SHLD1: variants seen among roughly 807,000 people sequenced by gnomAD.
SHLD1 encodes the protein shieldin complex subunit 1, also known as RINN1-REV7-interacting novel NHEJ regulator 3.
In SHLD1, 3 loss-of-function variants were observed where a neutral mutation model predicts 5.5. The observed-to-expected ratio is 0.54, with a 90% CI of 0.25 to 1.40. SHLD1 has a LOEUF of 1.40. SHLD1 is among the 40% of genes most tolerant of loss of function. The pLI, the probability that SHLD1 is intolerant of heterozygous loss-of-function variation, is 0.15. For missense variants in SHLD1, 210 were observed against 244.4 expected (o/e 0.86, Z 0.94); for synonymous variants, 92 against 94.3 (o/e 0.98, Z 0.14).
chr20:5,856,866 G>A (rs192547600), intron 2 of SHLD1, among the ~76,000 whole-genome samples: 197 of 152,338 alleles, frequency 1.3e-3, no homozygotes, highest in African/African-American at 4.4e-3. Flanking sequence ...AAAAAGTTAC[G>A]TAATTTAAGT....
At chr20:5,773,351 A>T in intron 2 of SHLD1, 1 of 547,614 alleles carries the variant, frequency 1.8e-6, no homozygotes, top group Non-Finnish European at 3.2e-6. Context: ...ACAAAGAGAG[A>T]GTGGAATTTT....
chr20:5,783,024 A>G (rs11697897), intron 2 of SHLD1, among the ~76,000 whole-genome samples: 86,152 of 151,574 alleles, frequency 0.57, 24,766 homozygotes, highest in African/African-American at 0.66. Context: ...TCACTAGACC[A>G]AACCTGAGAT....
At chr20:5,801,991 G>A (rs1293481903) in intron 2 of SHLD1, among the ~76,000 whole-genome samples, 1 of 152,002 alleles carries the variant, frequency 6.6e-6, no homozygotes, top group African/African-American at 2.4e-5. Context: ...TTGAATGATG[G>A]TTCTAAACTT....
intron 2 of SHLD1, among the ~76,000 whole-genome samples, chr20:5,808,214 A>G (rs889121987): frequency 2.0e-5 from 3 of 151,284 alleles, no homozygotes; most frequent in East Asian, 1.9e-4. Context: ...TGGGACACAG[A>G]GGTTGCAGTG....
intron 2 of SHLD1, among the ~76,000 whole-genome samples, chr20:5,815,501 A>G (rs1254239682): frequency 6.6e-6 from 1 of 152,230 alleles, no homozygotes; most frequent in Non-Finnish European, 1.5e-5. Flanking sequence ...CTGTGGACCA[A>G]TTCTGACCCT....
Position 5,773,009 on chromosome 20 carries a change from C to T in SHLD1, c.144C>T (p.Phe48=). 6.2e-7 allele frequency: 1 copy of T among 1,614,148 alleles called. No homozygotes were observed. Among genetic ancestry groups the T allele is most frequent in the Non-Finnish European group, 8.5e-7 (1 of 1,180,010 alleles). The change falls in exon 2 of 3, where the codon TTC becomes TTT. Residue 48 remains phenylalanine (F), a synonymous_variant. Coordinates refer to ENST00000303142, the MANE Select transcript of SHLD1 (RefSeq NM_152504.4). ...ANSEAFSSLE[F]HSFPYSSDVD... is the part of the protein sequence containing the mutation. ...GCGAGGCTTTCAGTTCTTTGGAATTCCATTCTTTTCCTTATTCTTCTGATG... is the reference window on the plus strand; with the variant it reads ...GCGAGGCTTTCAGTTCTTTGGAATTTCATTCTTTTCCTTATTCTTCTGATG...
chr20:5,830,214 A>T (rs2087711553), intron 2 of SHLD1, among the ~76,000 whole-genome samples: 1 of 152,092 alleles, frequency 6.6e-6, no homozygotes. Context: ...CTAACTAGAA[A>T]CTCTATACAT....
rs189318972 is a variant in SHLD1, at chr20:5,856,702, T to C, written c.179-6322T>C. Among the ~76,000 whole-genome samples the C allele has an allele frequency of 1.4e-3, 217 of 152,300 alleles. 1 individual carries two copies. The highest frequency in any genetic ancestry group is 4.9e-3 in the African/African-American group (205 of 41,568). On this transcript the variant is annotated intron_variant, in intron 2 of 2. Transcript: ENST00000303142. ...TGATGACCGGAACATCCCCCACTAC[T>C]CCCTGGTTCACCTTGTCATTTTCAT... is the stretch of plus-strand genomic sequence containing the variant.
rs149438501 is a variant in SHLD1 at position 5,806,024 on chromosome 20, G to T, written c.178+32981G>T. ...CATTATCGCTTTAAACATGTTTTTT[G>T]ATTTAAATTTTTAAATATTTTTTAG... On this transcript the variant is annotated intron_variant, in intron 2 of 2. Coordinates refer to ENST00000303142, the MANE Select transcript of SHLD1 (RefSeq NM_152504.4). This position sits in a 1 kb window ranked among gnomAD's most constrained non-coding sequence, Gnocchi z 7.6. 1.0e-2 allele frequency among the ~76,000 whole-genome samples: 1,520 copies of T among 152,182 alleles called. 19 individuals carry two copies. The highest frequency in any genetic ancestry group is 0.028 in the African/African-American group (1,156 of 41,508).
In SHLD1 at chr20:5,855,083, G is replaced by A. The variant is rs1164554246; in HGVS notation, c.179-7941G>A. Among the ~76,000 whole-genome samples the A allele has an allele frequency of 6.6e-6, 1 of 151,532 alleles. No homozygotes were observed. The highest frequency in any genetic ancestry group is 1.5e-5 in the Non-Finnish European group (1 of 67,910). On this transcript the variant is annotated intron_variant, in intron 2 of 2. Coordinates refer to ENST00000303142, the MANE Select transcript of SHLD1 (RefSeq NM_152504.4). This position sits in a 1 kb window ranked among gnomAD's most constrained non-coding sequence, Gnocchi z 4.4. ...TGTAGAGGCAGGGTCTTGCTATGTT[G>A]CCTAGGTTGGTCTCAAACTCCTGGC...
chr20:5,807,245 A>G (rs1417768377), intron 2 of SHLD1, among the ~76,000 whole-genome samples: 1 of 152,130 alleles, frequency 6.6e-6, no homozygotes, highest in African/African-American at 2.4e-5. Context: ...AATTCCTCGT[A>G]ATACCCATCC....
chr20:5,828,727 T>G (rs140755897), intron 2 of SHLD1, among the ~76,000 whole-genome samples: 8 of 152,354 alleles, frequency 5.3e-5, no homozygotes, highest in Admixed American at 5.2e-4. Context: ...TATATTTGAT[T>G]GTAGTTTGTA....
At chr20:5,773,875 T>C (rs1006641426) in intron 2 of SHLD1, among the ~76,000 whole-genome samples, 18 of 152,048 alleles carry the variant, frequency 1.2e-4, no homozygotes, top group African/African-American at 4.1e-4. Flanking sequence ...CTGCCATCGA[T>C]GGGTGCTCAG....
intron 2 of SHLD1, among the ~76,000 whole-genome samples, chr20:5,804,896 A>C (rs2087351169): frequency 6.6e-6 from 1 of 152,184 alleles, no homozygotes; most frequent in Admixed American, 6.5e-5. Flanking sequence ...CTGGTGGCGA[A>C]ATAAAGCCTT....
At chr20:5,772,337 A>G (rs1985213682) in intron 1 of SHLD1, 4 of 347,186 alleles carry the variant, frequency 1.2e-5, no homozygotes, top group South Asian at 8.6e-5. Context: ...TGGTAACTGA[A>G]AAGGCTACTG....
Position 5,842,663 on chromosome 20 carries a change from C to T in SHLD1, c.179-20361C>T, listed in dbSNP as rs145296352. 3.9e-5 allele frequency among the ~76,000 whole-genome samples: 6 copies of T among 152,234 alleles called. No homozygotes were observed. In the East Asian group the frequency reaches 9.6e-4, roughly 24 times the overall value. The stretch of plus-strand genomic sequence containing the variant: ...TGTTGGACCATCTCACTTTGACTTC[C>T]ATATCTCTTATTTTTTTCTCTATCT... On this transcript the variant is annotated intron_variant, in intron 2 of 2. Coordinates refer to ENST00000303142, the MANE Select transcript of SHLD1 (RefSeq NM_152504.4).
intron 2 of SHLD1, among the ~76,000 whole-genome samples, chr20:5,775,922 G>GTTTTTTTTTTTTTTTTTTTTTT (rs1391999872): frequency 4.7e-5 from 3 of 63,476 alleles, no homozygotes; most frequent in Admixed American, 1.5e-4. Flanking sequence ...GTCAGCTCAG[G>GTTTTTTTTTTTTTTTTTTTTTT]ATTTTTTTTT....
chr20:5,755,283 G>A (rs1019918968), intron 1 of SHLD1, among the ~76,000 whole-genome samples: 8 of 152,206 alleles, frequency 5.3e-5, no homozygotes, highest in Admixed American at 2.0e-4. Flanking sequence ...AGTGGCAGGC[G>A]AACTAGCATT....
intron 1 of SHLD1, among the ~76,000 whole-genome samples, chr20:5,762,998 C>A (rs1418356237): frequency 6.8e-6 from 1 of 147,270 alleles, no homozygotes; most frequent in Non-Finnish European, 1.5e-5. Flanking sequence ...AAAATAGCAC[C>A]TAATTGCCAC....
Sources: allele counts gnomAD v4.1 joint callset (sites outside exome capture counted in the v4.1 genomes callset), GRCh38; gene constraint gnomAD v4.1.1; non-coding constraint Gnocchi (gnomAD v3.1); transcripts MANE v1.5; gene names NCBI Gene and HGNC (gene_info 2026-07-23, HGNC 2026-07-21).